The following BAAT variants were observed in gnomAD, a reference collection of about 807,000 sequenced individuals.
The protein encoded by BAAT is bile acid CoA: amino acid N-acyltransferase (glycine N-choloyltransferase).
BAAT carries 13 observed loss-of-function variants against 18.9 expected under a neutral mutation model. The observed-to-expected ratio is 0.69, with a 90% CI of 0.45 to 1.10. The LOEUF (loss-of-function observed/expected upper bound fraction) is 1.10, where lower values mean the gene tolerates loss of function less well. BAAT is among the 50% of genes least tolerant of loss of function. The pLI, the probability that BAAT is intolerant of heterozygous loss-of-function variation, is 0.00. For missense variants in BAAT, 489 were observed against 504.0 expected (o/e 0.97, Z 0.28); for synonymous variants, 170 against 190.7 (o/e 0.89, Z 0.89).
chr9:101,382,494 T>C (rs1281596183), intron 1 of BAAT, among the ~76,000 whole-genome samples: 1 of 152,188 alleles, frequency 6.6e-6, no homozygotes, highest in Non-Finnish European at 1.5e-5. Context: ...ATGCCAGAAG[T>C]AGGCCAGCAT....
chr9:101,371,124 C>A lies in BAAT; in HGVS notation c.281G>T (p.Arg94Ile). The A allele has an allele frequency of 1.2e-6, 2 of 1,614,104 alleles. No individual in the cohort carries two copies. The highest frequency in any genetic ancestry group is 1.7e-6 in the Non-Finnish European group (2 of 1,180,000). The change falls in exon 2 of 4, where the codon AGA becomes ATA. Residue 94 changes from arginine (R) to isoleucine (I), a missense_variant. Physicochemically the swap from Arg to Ile is moderately conservative, Grantham distance 97. Coordinates refer to ENST00000259407, the MANE Select transcript of BAAT (RefSeq NM_001701.4). ...CTGGAAAGGCCTATTCATCACATCT[C>A]TTTTCAACAGTCTTGTTAATAGCTT... Reference protein sequence around the residue: ...PEKLLTRLLKRDVMNRPFQVQ... With the variant: ...PEKLLTRLLKIDVMNRPFQVQ...
chr9:101,364,825 A>C (rs1184283555), intron 3 of BAAT, among the ~76,000 whole-genome samples: 1 of 152,234 alleles, frequency 6.6e-6, no homozygotes, highest in African/African-American at 2.4e-5. Context: ...ATAAGTATGC[A>C]GAAGTCAGAT....
rs1363329930 is a variant in BAAT, at chr9:101,368,145, G to A, written c.644C>T (p.Ala215Val). The change falls in exon 3 of 4, where the codon GCC (alanine) becomes GTC (valine). Residue 215 changes from alanine (A) to valine (V), a missense_variant. Ala to Val is a moderately conservative substitution (Grantham distance 64). Transcript: ENST00000259407. ...VTDLEYFEEA[A>V]NFLLRHPKVF... ...CTTTGGATGTCTCAGGAGAAAGTTG[G>A]CAGCCTCCTCAAAATATTCCAAATC... 1.9e-5 allele frequency: 30 copies of A among 1,614,004 alleles called. No homozygotes were observed. The highest frequency in any genetic ancestry group is 2.4e-5 in the Non-Finnish European group (28 of 1,180,002).
Position 101,361,821 on chromosome 9 carries a change from C to T in BAAT, c.*607G>A, listed in dbSNP as rs1442539906. Reference sequence around the variant, plus strand: ...TAACTTAAACCAAGGCTCTTCCAGTCTTAGTTATTATGTCTCAGTTATGTG... The same window carrying T: ...TAACTTAAACCAAGGCTCTTCCAGTTTTAGTTATTATGTCTCAGTTATGTG... On this transcript the variant is annotated 3_prime_UTR_variant, in exon 4 of 4. Transcript: ENST00000259407. 1 of 152,908 alleles carries T rather than the reference C, an allele frequency of 6.5e-6. No individual in the cohort carries two copies. The highest frequency in any genetic ancestry group is 1.9e-4 in the East Asian group (1 of 5,200). 9.5% of individuals were successfully genotyped at this position (152,908 alleles called of 1,614,324 possible). A position where few individuals can be genotyped will look rare whatever the true frequency, so the allele number is the denominator to read the frequency against.
intron 1 of BAAT, among the ~76,000 whole-genome samples, chr9:101,381,258 A>G (rs1393455387): frequency 6.6e-6 from 1 of 151,940 alleles, no homozygotes; most frequent in Non-Finnish European, 1.5e-5. Flanking sequence ...GTGGTGACTC[A>G]TGCCTGTAAT....
Position 101,371,260 on chromosome 9 carries a change from G to T in BAAT, c.145C>A (p.His49Asn), listed in dbSNP as rs756971012. The change falls in exon 2 of 4, where the codon CAC (histidine) becomes AAC (asparagine). Residue 49 changes from histidine (H) to asparagine (N), a missense_variant. His to Asn is a moderately conservative substitution (Grantham distance 68). Transcript: ENST00000259407. ...TCACCGAATTCATTGGCCCTATAGT[G>T]GGCTTGAGAATAAAACATGTCTCCG... ...ENGDMFYSQA[H>N]YRANEFGEVD... The T allele has an allele frequency of 8.1e-6, 13 of 1,612,954 alleles. No individual in the cohort carries two copies. The Middle Eastern group carries it at 6.6e-4, about 82-fold the overall frequency.
intron 3 of BAAT, among the ~76,000 whole-genome samples, chr9:101,366,845 T>C (rs567792003): frequency 6.6e-6 from 1 of 151,684 alleles, no homozygotes; most frequent in East Asian, 1.9e-4. Flanking sequence ...TTTAATTTTA[T>C]TTCAATTCTT....
At chr9:101,375,991 C>T (rs1286910222) in intron 1 of BAAT, 3 of 152,692 alleles carry the variant, frequency 2.0e-5, no homozygotes, top group Admixed American at 2.0e-4. Flanking sequence ...CTCTTTCCGA[C>T]TACGTTATCC....
At chr9:101,384,051 A>G (rs912625350) in intron 1 of BAAT, among the ~76,000 whole-genome samples, 6 of 152,196 alleles carry the variant, frequency 3.9e-5, no homozygotes, top group African/African-American at 1.4e-4. Flanking sequence ...CATGACAATA[A>G]AAGGACTATC....
rs1829742376 is a variant in BAAT at position 101,362,404 on chromosome 9, A to G, written c.*24T>C. The G allele has an allele frequency of 6.2e-7, 1 of 1,609,592 alleles. No homozygotes were observed. The highest frequency in any genetic ancestry group is 1.7e-5 in the Admixed American group (1 of 59,906). ...TCCCGGTAAAGAGATTTGCTTCTTT[A>G]TTTTCTAGGAATATCTAGTCTTCTT... On this transcript the variant is annotated 3_prime_UTR_variant, in exon 4 of 4. Transcript: ENST00000259407.
chr9:101,384,029 AG>A (rs1327142522), intron 1 of BAAT, among the ~76,000 whole-genome samples: 4 of 152,200 alleles, frequency 2.6e-5, no homozygotes, highest in Admixed American at 6.5e-5. Flanking sequence ...ACGGAGTGTT[AG>A]TAGGATTTTA....
At chr9:101,376,878 TG>T (rs1398970856) in intron 1 of BAAT, among the ~76,000 whole-genome samples, 2 of 152,236 alleles carry the variant, frequency 1.3e-5, no homozygotes, top group African/African-American at 4.8e-5. Context: ...AGGGCATTAA[TG>T]GGCATTAGGT....
At chr9:101,384,220 C>T (rs1456995697) in intron 1 of BAAT, among the ~76,000 whole-genome samples, 1 of 152,070 alleles carries the variant, frequency 6.6e-6, no homozygotes, top group African/African-American at 2.4e-5. Context: ...AAGACTTATG[C>T]TACAGATACA....
chr9:101,377,411 C>G (rs1047217953), intron 1 of BAAT, among the ~76,000 whole-genome samples: 3 of 152,162 alleles, frequency 2.0e-5, no homozygotes, highest in Non-Finnish European at 4.4e-5. Context: ...GCCCACATCC[C>G]TTGGCTCAAC....
Position 101,371,464 on chromosome 9 carries a change from C to A in BAAT, c.-59-1G>T. The A allele has an allele frequency of 1.3e-6, 2 of 1,492,708 alleles. No homozygotes were observed. The highest frequency in any genetic ancestry group is 1.4e-5 in the African/African-American group (1 of 72,418). The allele number at this position is 1,492,708 out of a possible 1,614,324, so 92.5% of individuals were successfully genotyped here. ...AATATCTTCAGCAAAACCTCAAAAC[C>A]TCAAAAAAGAAAGAAAGAGGAGCAG... On this transcript the variant is annotated splice_acceptor_variant, in intron 1 of 3. Coordinates refer to ENST00000259407, the MANE Select transcript of BAAT (RefSeq NM_001701.4). LOFTEE classifies it low-confidence loss of function (5UTR_SPLICE).
intron 3 of BAAT, among the ~76,000 whole-genome samples, chr9:101,366,859 A>T (rs908085604): frequency 7.1e-6 from 1 of 140,322 alleles, no homozygotes; most frequent in Admixed American, 7.0e-5. Context: ...AATTCTTATT[A>T]AAAAAAAAAA....
intron 1 of BAAT, among the ~76,000 whole-genome samples, chr9:101,371,713 A>G (rs1829948799): frequency 6.6e-6 from 1 of 152,222 alleles, no homozygotes; most frequent in South Asian, 2.1e-4. Flanking sequence ...CAAAATATGC[A>G]TGAATGGTAT....
Position 101,366,275 on chromosome 9 carries a change from G to T in BAAT, c.669+1845C>A, listed in dbSNP as rs145992764. Among the ~76,000 whole-genome samples, 213 of 152,306 alleles carry T rather than the reference G, an allele frequency of 1.4e-3. No homozygotes were observed. The Middle Eastern group carries it at 0.034, about 24-fold the overall frequency. Reference sequence around the variant, plus strand: ...GAACAAAAAAGCATGACTCATATCTGTGCAGGCTTTTTAATATGTTTCTGT... The same window carrying T: ...GAACAAAAAAGCATGACTCATATCTTTGCAGGCTTTTTAATATGTTTCTGT... On this transcript the variant is annotated intron_variant, in intron 3 of 3. Coordinates refer to ENST00000259407, the MANE Select transcript of BAAT (RefSeq NM_001701.4).
At position 101,362,567 on chromosome 9, in the gene BAAT, C is replaced by A; in HGVS notation, c.1118G>T (p.Cys373Phe). ...LIEPPYSPLC[C>F]ASTTHDLRLH... ...CCTCAAATCGTGGGTCGTTGAGGCA[C>A]AGCACAGAGGAGAATAGGGAGGTTC... The change falls in exon 4 of 4, where the codon TGT becomes TTT. Residue 373 changes from cysteine (C) to phenylalanine (F), a missense_variant. Transcript: ENST00000259407. The A allele has an allele frequency of 6.2e-7, 1 of 1,614,098 alleles. No individual in the cohort carries two copies. Among genetic ancestry groups the A allele is most frequent in the Non-Finnish European group, 8.5e-7 (1 of 1,180,038 alleles).
Sources: allele counts gnomAD v4.1 joint callset (sites outside exome capture counted in the v4.1 genomes callset), GRCh38; gene constraint gnomAD v4.1.1; transcripts MANE v1.5; gene names NCBI Gene and HGNC (gene_info 2026-07-23, HGNC 2026-07-21).